The following AGAP1 variants were observed in gnomAD, a reference collection of about 807,000 sequenced individuals.
The protein encoded by AGAP1 is ArfGAP with GTPase domain, ankyrin repeat and PH domain 1, also known as arf-GAP with GTPase, ANK repeat and PH domain-containing protein 1.
AGAP1 carries 29 observed loss-of-function variants against 105.3 expected under a neutral mutation model. That is an observed-to-expected ratio of 0.28 (90% CI 0.21 to 0.38). The LOEUF (loss-of-function observed/expected upper bound fraction) is 0.38, where lower values mean the gene tolerates loss of function less well. Among genes scored for constraint, AGAP1 ranks in the 10% least tolerant of loss-of-function variants. The pLI, the probability that AGAP1 is intolerant of heterozygous loss-of-function variation, is 1.00. For missense variants in AGAP1, 998 were observed against 1,165.1 expected (o/e 0.86, Z 2.09); for synonymous variants, 509 against 485.9 (o/e 1.05, Z -0.63).
In AGAP1 at chr2:236,003,283, G is replaced by A. The variant is rs1471660819; in HGVS notation, c.1646-33278G>A. Among the ~76,000 whole-genome samples the A allele has an allele frequency of 6.6e-6, 1 of 152,128 alleles. No homozygotes were observed. Among genetic ancestry groups the A allele is most frequent in the Non-Finnish European group, 1.5e-5 (1 of 68,022 alleles). On this transcript the variant is annotated intron_variant, in intron 13 of 17. Coordinates refer to ENST00000304032, the MANE Select transcript of AGAP1 (RefSeq NM_001037131.3). The surrounding 1 kb of genome is among the most constrained non-coding windows in gnomAD (Gnocchi z 4.2). ...TGGTCTCGAACTCCTGGCCTCAGGT[G>A]ATCTGCCTGCCTCAGCCTCCCAGAG...
chr2:235,886,148 G>A (rs2050264704), intron 10 of AGAP1, among the ~76,000 whole-genome samples: 2 of 152,334 alleles, frequency 1.3e-5, no homozygotes, highest in Middle Eastern at 3.4e-3. Flanking sequence ...ATCAGCAGTG[G>A]CCGGGCTGCC....
chr2:235,521,220 T>C (rs1423898737), intron 1 of AGAP1, among the ~76,000 whole-genome samples: 3 of 152,222 alleles, frequency 2.0e-5, no homozygotes, highest in Non-Finnish European at 2.9e-5. Context: ...ACTCCAGTTA[T>C]TGTGTTTTAA....
rs1391544128 is a variant in AGAP1 at position 235,689,433 on chromosome 2, C to T, written c.164-19746C>T. On this transcript the variant is annotated intron_variant, in intron 1 of 17. Coordinates refer to ENST00000304032, the MANE Select transcript of AGAP1 (RefSeq NM_001037131.3). This position sits in a 1 kb window ranked among gnomAD's most constrained non-coding sequence, Gnocchi z 4.2. ...GTGCACTGATTATGTTTCCATTACA[C>T]CATAGAACATAACAATTTTGACTGC... Among the ~76,000 whole-genome samples the T allele has an allele frequency of 6.6e-6, 1 of 152,224 alleles. No homozygotes were observed. Among genetic ancestry groups the T allele is most frequent in the Admixed American group, 6.5e-5 (1 of 15,288 alleles).
intron 9 of AGAP1, among the ~76,000 whole-genome samples, chr2:235,833,308 A>G (rs1959679905): frequency 6.6e-6 from 1 of 152,250 alleles, no homozygotes; most frequent in Non-Finnish European, 1.5e-5. Flanking sequence ...AGGAAGGGAC[A>G]GGGCAGGATT....
At position 235,494,699 on chromosome 2, in the gene AGAP1, C is replaced by G. The variant is rs1941231138; in HGVS notation, c.13C>G (p.Gln5Glu). 19 of 1,532,698 alleles carry G rather than the reference C, an allele frequency of 1.2e-5. No homozygotes were observed. The highest frequency in any genetic ancestry group is 1.6e-5 in the Non-Finnish European group (18 of 1,137,796). The allele number at this position is 1,532,698 out of a possible 1,614,324, so 94.9% of individuals were successfully genotyped here. Residue 5 changes from glutamine to glutamate, a missense_variant, in exon 1 of 18, where the codon CAG (glutamine) becomes GAG (glutamate). Gln to Glu is a conservative substitution (Grantham distance 29). Transcript: ENST00000304032. MNYQ[Q>E]QLANSAAIRA... ...CGGCGCCTGCACCATGAACTACCAG[C>G]AGCAGCTGGCCAACTCGGCTGCCAT...
chr2:235,963,075 C>A lies in AGAP1; in HGVS notation c.1484-5387C>A. On this transcript the variant is annotated intron_variant, in intron 12 of 17. Coordinates refer to ENST00000304032, the MANE Select transcript of AGAP1 (RefSeq NM_001037131.3). This position sits in a 1 kb window ranked among gnomAD's most constrained non-coding sequence, Gnocchi z 5.1. ...ATGCTGATGGGTTGGCTGTGGTGGT[C>A]TCTTAGAGGAAGGTGGGTGGTGGTA... Among the ~76,000 whole-genome samples, 1 of 152,146 alleles carries A rather than the reference C, an allele frequency of 6.6e-6. No individual in the cohort carries two copies. The highest frequency in any genetic ancestry group is 6.5e-5 in the Admixed American group (1 of 15,276).
chr2:235,917,434 A>G (rs536661584), intron 11 of AGAP1, among the ~76,000 whole-genome samples: 32 of 152,300 alleles, frequency 2.1e-4, no homozygotes, highest in Non-Finnish European at 4.0e-4. Flanking sequence ...TATTAATGTG[A>G]TCGGACTTGC....
Position 236,045,246 on chromosome 2 carries a change from GTCC to G in AGAP1, c.1892-3810_1892-3808del, listed in dbSNP as rs1295651415. Among the ~76,000 whole-genome samples, 1 of 152,026 alleles carries G rather than the reference GTCC, an allele frequency of 6.6e-6. No homozygotes were observed. Among genetic ancestry groups the G allele is most frequent in the Non-Finnish European group, 1.5e-5 (1 of 68,006 alleles). The stretch of plus-strand genomic sequence containing the variant: ...TTTTTTATTTTTTCCTGCTTGGTCT[GTCC>G]TCATAGAATCTACGTCCTGCATTTC... On this transcript the variant is annotated intron_variant, in intron 15 of 17. Transcript: ENST00000304032. The surrounding 1 kb of genome is among the most constrained non-coding windows in gnomAD (Gnocchi z 6.9).
In AGAP1 at chr2:236,095,960, G is replaced by T. The variant is rs2059181743; in HGVS notation, c.2115-24232G>T. ...TTTTAGAAATTCTTCCGTGATTCAGGGTTCGCCAACATGAGTTATTTCCCA... is the reference window on the plus strand; with the variant it reads ...TTTTAGAAATTCTTCCGTGATTCAGTGTTCGCCAACATGAGTTATTTCCCA... On this transcript the variant is annotated intron_variant, in intron 16 of 17. Transcript: ENST00000304032. The surrounding 1 kb of genome is among the most constrained non-coding windows in gnomAD (Gnocchi z 4.1). Among the ~76,000 whole-genome samples, 1 of 152,122 alleles carries T rather than the reference G, an allele frequency of 6.6e-6. No individual in the cohort carries two copies. The highest frequency in any genetic ancestry group is 1.5e-5 in the Non-Finnish European group (1 of 68,040).
intron 6 of AGAP1, among the ~76,000 whole-genome samples, chr2:235,771,140 C>G (rs534259021): frequency 1.3e-4 from 20 of 152,200 alleles, no homozygotes; most frequent in Admixed American, 3.3e-4. Context: ...GCCCCCAGCA[C>G]CTTGTCAGCC....
chr2:235,658,850 C>T (rs556781329), intron 1 of AGAP1, among the ~76,000 whole-genome samples: 2 of 152,290 alleles, frequency 1.3e-5, no homozygotes, highest in South Asian at 2.1e-4. Flanking sequence ...CCCTCCCCCT[C>T]GGAATACCCG....
intron 1 of AGAP1, among the ~76,000 whole-genome samples, chr2:235,547,518 C>T (rs1943666060): frequency 6.6e-6 from 1 of 152,064 alleles, no homozygotes; most frequent in Admixed American, 6.6e-5. Flanking sequence ...ACCACCACGC[C>T]TGGCTAATTT....
chr2:235,749,063 G>T (rs1015658477), intron 5 of AGAP1, among the ~76,000 whole-genome samples: 20 of 152,116 alleles, frequency 1.3e-4, no homozygotes, highest in Non-Finnish European at 2.5e-4. Flanking sequence ...CAAAAAATTA[G>T]CTGGGCATGG....
At chr2:235,641,136 C>T (rs1429852935) in intron 1 of AGAP1, among the ~76,000 whole-genome samples, 1 of 152,150 alleles carries the variant, frequency 6.6e-6, no homozygotes, top group Non-Finnish European at 1.5e-5. Context: ...ATGTCCTGCC[C>T]ACCAGCCAAT....
chr2:235,631,680 G>A lies in AGAP1; in HGVS notation c.164-77499G>A, dbSNP rs1946834030. ...CTCTGTGCTTAGGTGACCTTCGATGGCACGGGGGATAGCAGTATCTGCTTC... is the reference window on the plus strand; with the variant it reads ...CTCTGTGCTTAGGTGACCTTCGATGACACGGGGGATAGCAGTATCTGCTTC... On this transcript the variant is annotated intron_variant, in intron 1 of 17. Coordinates refer to ENST00000304032, the MANE Select transcript of AGAP1 (RefSeq NM_001037131.3). The surrounding 1 kb of genome is among the most constrained non-coding windows in gnomAD (Gnocchi z 5.4). Among the ~76,000 whole-genome samples the A allele has an allele frequency of 6.6e-6, 1 of 152,206 alleles. No individual in the cohort carries two copies. The highest frequency in any genetic ancestry group is 2.1e-4 in the South Asian group (1 of 4,834).
At position 235,551,479 on chromosome 2, in the gene AGAP1, T is replaced by TC. The variant is rs1055196905; in HGVS notation, c.163+56630_163+56631insC. 6.6e-6 allele frequency among the ~76,000 whole-genome samples: 1 copy of TC among 151,758 alleles called. No homozygotes were observed. The highest frequency in any genetic ancestry group is 2.4e-5 in the African/African-American group (1 of 41,288). On this transcript the variant is annotated intron_variant, in intron 1 of 17. Coordinates refer to ENST00000304032, the MANE Select transcript of AGAP1 (RefSeq NM_001037131.3). This position sits in a 1 kb window ranked among gnomAD's most constrained non-coding sequence, Gnocchi z 4.8. ...CAGCACCACACCTGGCTGATTTTTT[T>TC]TGTAGAGACGGGTCGTCCAGTGATA... is the stretch of plus-strand genomic sequence containing the variant.
chr2:236,050,336 A>T lies in AGAP1; in HGVS notation c.2114+1055A>T, dbSNP rs192611202. On this transcript the variant is annotated intron_variant, in intron 16 of 17. Coordinates refer to ENST00000304032, the MANE Select transcript of AGAP1 (RefSeq NM_001037131.3). This position sits in a 1 kb window ranked among gnomAD's most constrained non-coding sequence, Gnocchi z 4.0. ...AGAGAATGAAGCTGGTGTGTTACTC[A>T]TCTGGCTCTCCGTATGAGGGATTCT... is the stretch of plus-strand genomic sequence containing the variant. 9.1e-4 allele frequency among the ~76,000 whole-genome samples: 139 copies of T among 152,346 alleles called. No individual in the cohort carries two copies. In the Middle Eastern group the frequency reaches 0.014, roughly 15 times the overall value.
chr2:235,838,661 G>T (rs918181143), intron 9 of AGAP1, among the ~76,000 whole-genome samples: 3 of 152,236 alleles, frequency 2.0e-5, no homozygotes, highest in Admixed American at 1.3e-4. Context: ...AGAAAGTCAG[G>T]CTTGTCTCAG....
intron 12 of AGAP1, among the ~76,000 whole-genome samples, chr2:235,940,886 G>A (rs1257880803): frequency 2.0e-5 from 3 of 152,134 alleles, no homozygotes; most frequent in Non-Finnish European, 4.4e-5. Context: ...GTCATTGCAC[G>A]GTAATATGCT....
Sources: allele counts gnomAD v4.1 joint callset (sites outside exome capture counted in the v4.1 genomes callset), GRCh38; gene constraint gnomAD v4.1.1; non-coding constraint Gnocchi (gnomAD v3.1); transcripts MANE v1.5; gene names NCBI Gene and HGNC (gene_info 2026-07-23, HGNC 2026-07-21).